Variants in GLIS3 observed in about 807,000 individuals in gnomAD.
GLIS3 encodes zinc finger protein GLIS3.
GLIS3 carries 53 observed loss-of-function variants against 78.6 expected under a neutral mutation model. The ratio of observed to expected loss-of-function variants is 0.67; its 90% CI spans 0.54 to 0.85. The LOEUF (loss-of-function observed/expected upper bound fraction) is 0.85. Among genes scored for constraint, GLIS3 ranks in the 40% least tolerant of loss-of-function variants. The pLI is 0.00. For synonymous variants in GLIS3, 684 were observed against 509.9 expected, an observed-to-expected ratio of 1.34 and a Z score of -4.60; for missense variants, 1,703 against 1,231.1, an observed-to-expected ratio of 1.38 and a Z score of -5.74.
the GLIS3 span, among the ~76,000 whole-genome samples, chr9:4,458,751 T>C: frequency 6.6e-6 from 1 of 152,186 alleles, no homozygotes. Context: ...TGAGATGAGA[T>C]CGCACCACTG....
At chr9:4,344,814 A>C (rs1817878157) in intron 2 of GLIS3, among the ~76,000 whole-genome samples, 1 of 152,094 alleles carries the variant, frequency 6.6e-6, no homozygotes, top group Non-Finnish European at 1.5e-5. Flanking sequence ...TTCATTTCCT[A>C]AGGCCAAAAT....
intron 6 of GLIS3, among the ~76,000 whole-genome samples, chr9:3,920,128 T>G (rs536235363): frequency 6.6e-6 from 1 of 151,098 alleles, no homozygotes; most frequent in Admixed American, 6.6e-5. Context: ...CTCAGCCTCC[T>G]GAGTAGCTGG....
intron 4 of GLIS3, among the ~76,000 whole-genome samples, chr9:4,040,492 C>T (rs1397101234): frequency 6.6e-6 from 1 of 152,062 alleles, no homozygotes; most frequent in East Asian, 1.9e-4. Flanking sequence ...TAGTATATCA[C>T]AAATAAGGAC....
chr9:4,394,053 A>C, the GLIS3 span, among the ~76,000 whole-genome samples: 10 of 151,854 alleles, frequency 6.6e-5, no homozygotes, highest in African/African-American at 1.9e-4. Flanking sequence ...GTTCCATTAA[A>C]ACCCAATCCC....
intron 9 of GLIS3, among the ~76,000 whole-genome samples, chr9:3,832,318 T>G (rs1052675266): frequency 1.1e-4 from 17 of 151,912 alleles, no homozygotes; most frequent in African/African-American, 4.1e-4. Context: ...TTGAGGAAAA[T>G]AAAATTTCCA....
the GLIS3 span, among the ~76,000 whole-genome samples, chr9:4,418,475 T>C: frequency 6.6e-6 from 1 of 152,062 alleles, no homozygotes; most frequent in South Asian, 2.1e-4. Context: ...AGAACAGAAA[T>C]AAAAGTGGTG....
chr9:4,287,487 G>A (rs1289410304), intron 1 of GLIS3, among the ~76,000 whole-genome samples: 3 of 152,192 alleles, frequency 2.0e-5, no homozygotes, highest in Admixed American at 1.3e-4. Context: ...AAATGTATGC[G>A]ATGAGGTGGT....
chr9:4,309,691 A>C (rs536797213), intron 3 of GLIS3, among the ~76,000 whole-genome samples: 5 of 152,354 alleles, frequency 3.3e-5, no homozygotes, highest in African/African-American at 1.2e-4. Context: ...CTCTGAAAGT[A>C]GAAGTTCCAT....
At chr9:4,162,667 T>A (rs528576701) in intron 2 of GLIS3, among the ~76,000 whole-genome samples, 1 of 151,756 alleles carries the variant, frequency 6.6e-6, no homozygotes, top group Non-Finnish European at 1.5e-5. Flanking sequence ...CCATCCTGGC[T>A]AACACGGTGA....
the GLIS3 span, among the ~76,000 whole-genome samples, chr9:4,449,850 A>T: frequency 6.6e-6 from 1 of 152,228 alleles, no homozygotes; most frequent in Non-Finnish European, 1.5e-5. Flanking sequence ...GGTCACCAGC[A>T]TCAAGGACCA....
intron 2 of GLIS3, among the ~76,000 whole-genome samples, chr9:4,133,266 A>G (rs192062981): frequency 2.0e-4 from 30 of 152,336 alleles, no homozygotes; most frequent in Middle Eastern, 3.4e-3. Context: ...ACACTTAGCA[A>G]TGATATAGTA....
the GLIS3 span, among the ~76,000 whole-genome samples, chr9:4,403,258 C>G: frequency 6.6e-6 from 1 of 152,006 alleles, no homozygotes; most frequent in East Asian, 1.9e-4. Context: ...TCCAGACAAA[C>G]AAAAGCTGAG....
chr9:4,151,005 T>A (rs1834633418), intron 2 of GLIS3: 1 of 152,160 alleles, frequency 6.6e-6, no homozygotes, highest in Non-Finnish European at 1.5e-5. Flanking sequence ...GATCGACTCC[T>A]ACACAATGAG....
At chr9:3,906,337 C>T (rs773024317) in intron 6 of GLIS3, among the ~76,000 whole-genome samples, 5 of 152,160 alleles carry the variant, frequency 3.3e-5, no homozygotes, top group East Asian at 1.9e-4. Context: ...AAGATGCCAA[C>T]GGCTTGAGGG....
chr9:3,948,257 G>C (rs1210516296), intron 4 of GLIS3, among the ~76,000 whole-genome samples: 1 of 152,182 alleles, frequency 6.6e-6, no homozygotes, highest in Non-Finnish European at 1.5e-5. Flanking sequence ...CTTTCCGCTT[G>C]CTCTTCTCCT....
upstream of GLIS3, among the ~76,000 whole-genome samples, chr9:4,300,227 C>CAT (rs1374055166): frequency 1.3e-5 from 2 of 151,318 alleles, no homozygotes; most frequent in Non-Finnish European, 2.9e-5. Context: ...CACACACACA[C>CAT]ACACACACAC....
chr9:4,464,375 A>T, the GLIS3 span, among the ~76,000 whole-genome samples: 3 of 151,078 alleles, frequency 2.0e-5, no homozygotes, highest in African/African-American at 7.3e-5. Context: ...TTTATTTTTT[A>T]TAATTTTATT....
At chr9:4,289,547 T>C (rs1324704777) in intron 1 of GLIS3, among the ~76,000 whole-genome samples, 3 of 152,136 alleles carry the variant, frequency 2.0e-5, no homozygotes, top group Non-Finnish European at 4.4e-5. Flanking sequence ...AAAACTTAAC[T>C]GACAGGATTC....
chr9:4,276,646 G>T (rs1219798845), intron 2 of GLIS3, among the ~76,000 whole-genome samples: 1 of 152,132 alleles, frequency 6.6e-6, no homozygotes, highest in Non-Finnish European at 1.5e-5. Context: ...TTGAAGTGGG[G>T]AAGGGTACTA....
Sources: gnomAD v4.1 joint callset for allele counts (sites outside exome capture counted in the v4.1 genomes callset) on GRCh38, gnomAD v4.1.1 for gene constraint, MANE v1.5 for transcripts, NCBI Gene and HGNC (gene_info 2026-07-23, HGNC 2026-07-21) for gene names.